Variants in TRIR observed in about 807,000 individuals in gnomAD.
TRIR encodes telomerase RNA component interacting RNase.
In TRIR, 5 loss-of-function variants were observed where a neutral mutation model predicts 18.2. The observed-to-expected ratio is 0.27, with a 90% CI of 0.14 to 0.58. The LOEUF (loss-of-function observed/expected upper bound fraction) is 0.58, where lower values mean the gene tolerates loss of function less well. TRIR is among the 20% of genes least tolerant of loss of function. The pLI is 0.91. For missense variants in TRIR, 206 were observed against 252.8 expected (o/e 0.81, Z 1.25); for synonymous variants, 134 against 114.4 (o/e 1.17, Z -1.10).
At position 12,731,752 on chromosome 19, in the gene TRIR, GC is replaced by G. The variant is rs1204194780; in HGVS notation, c.346-332del. On this transcript the variant is annotated intron_variant, in intron 1 of 2. Transcript: ENST00000242784. This position sits in a 1 kb window ranked among gnomAD's most constrained non-coding sequence, Gnocchi z 5.1. ...TCCCTTTATTGAGCATGTACTGTATGCCAAGCCCTGTGCCAAGTGCTGTGGA... is the reference window on the plus strand; with the variant it reads ...TCCCTTTATTGAGCATGTACTGTATGCAAGCCCTGTGCCAAGTGCTGTGGA... The G allele has an allele frequency of 9.9e-6, 3 of 302,984 alleles. No homozygotes were observed. Among genetic ancestry groups the G allele is most frequent in the African/African-American group, 6.6e-5 (3 of 45,444 alleles). The allele number at this position is 302,984 out of a possible 1,614,324, so 18.8% of individuals were successfully genotyped here. A position where few individuals can be genotyped will look rare whatever the true frequency, so the allele number is the denominator to read the frequency against.
intron 1 of TRIR, among the ~76,000 whole-genome samples, chr19:12,733,489 C>T (rs1041070881): frequency 2.6e-5 from 4 of 152,136 alleles, no homozygotes; most frequent in South Asian, 2.1e-4. Context: ...CGCTGCCCCA[C>T]GCATGGTAGG....
Position 12,734,478 on chromosome 19 carries a change from G to A in TRIR, c.180C>T (p.Ala60=), listed in dbSNP as rs1302900487. The A allele has an allele frequency of 6.5e-7, 1 of 1,535,244 alleles. No individual in the cohort carries two copies. The highest frequency in any genetic ancestry group is 2.6e-5 in the East Asian group (1 of 38,920). ...SPVSGGVNLF[A]NDGSFLELFK... Reference sequence around the variant, plus strand: ...ACAGCTCCAGGAAGCTGCCGTCGTTGGCGAACAAGTTCACGCCGCCCGACA... The same window carrying A: ...ACAGCTCCAGGAAGCTGCCGTCGTTAGCGAACAAGTTCACGCCGCCCGACA... Residue 60 remains alanine, a synonymous_variant, in exon 1 of 3, where the codon GCC becomes GCT. Transcript: ENST00000242784. The surrounding 1 kb of genome is among the most constrained non-coding windows in gnomAD (Gnocchi z 4.1).
chr19:12,731,257 G>C lies in TRIR; in HGVS notation c.423+87C>G. On this transcript the variant is annotated intron_variant, in intron 2 of 2. Transcript: ENST00000242784. The surrounding 1 kb of genome is among the most constrained non-coding windows in gnomAD (Gnocchi z 5.1). ...GCCAGGCACACTCATAAAAGGCCTG[G>C]ATACCAGACAGGGAGGGAGAAGGCT... 3 of 1,511,428 alleles carry C rather than the reference G, an allele frequency of 2.0e-6. No individual in the cohort carries two copies. In the South Asian group the frequency reaches 3.4e-5, roughly 17 times the overall value. The allele number at this position is 1,511,428 out of a possible 1,614,324, so 93.6% of individuals were successfully genotyped here. A position where few individuals can be genotyped will look rare whatever the true frequency, so the allele number is the denominator to read the frequency against.
intron 1 of TRIR, among the ~76,000 whole-genome samples, chr19:12,732,891 G>A (rs1018806826): frequency 6.6e-6 from 1 of 151,812 alleles, no homozygotes; most frequent in African/African-American, 2.4e-5. Flanking sequence ...AGCCTGGCCT[G>A]CTGGGATTAT....
chr19:12,734,295 AC>A lies in TRIR; in HGVS notation c.345+17del. ...AAGACAGGCCGTGGCGCCCGCCCCC[AC>A]CCCCACGGCTCCTTACGAAGCTAAG... On this transcript the variant is annotated intron_variant, in intron 1 of 2. Coordinates refer to ENST00000242784, the MANE Select transcript of TRIR (RefSeq NM_024038.4). This position sits in a 1 kb window ranked among gnomAD's most constrained non-coding sequence, Gnocchi z 4.1. 2 of 1,364,030 alleles carry A rather than the reference AC, an allele frequency of 1.5e-6. No individual in the cohort carries two copies. 84.5% of individuals were successfully genotyped at this position (1,364,030 alleles called of 1,614,324 possible). A position where few individuals can be genotyped will look rare whatever the true frequency, so the allele number is the denominator to read the frequency against.
In TRIR at chr19:12,730,910, G is replaced by C. The variant is rs774769035; in HGVS notation, c.*51C>G. ...GTCGCCGCTGCCGCTGCATTAAATAGTTATGTACATCGCAGAGAGTCCCAG... is the reference window on the plus strand; with the variant it reads ...GTCGCCGCTGCCGCTGCATTAAATACTTATGTACATCGCAGAGAGTCCCAG... On this transcript the variant is annotated 3_prime_UTR_variant, in exon 3 of 3. Coordinates refer to ENST00000242784, the MANE Select transcript of TRIR (RefSeq NM_024038.4). 6.6e-7 allele frequency: 1 copy of C among 1,518,492 alleles called. No individual in the cohort carries two copies. The highest frequency in any genetic ancestry group is 9.1e-7 in the Non-Finnish European group (1 of 1,093,344). The allele number at this position is 1,518,492 out of a possible 1,614,324, so 94.1% of individuals were successfully genotyped here. A position where few individuals can be genotyped will look rare whatever the true frequency, so the allele number is the denominator to read the frequency against.
rs758284079 is a variant in TRIR, at chr19:12,731,045, C to T, written c.447G>A (p.Ala149=). The T allele has an allele frequency of 8.1e-6, 13 of 1,613,886 alleles. No homozygotes were observed. Among genetic ancestry groups the T allele is most frequent in the Admixed American group, 6.7e-5 (4 of 59,982 alleles). ...TCACTTCTGCCATGTACTTGGCCCA[C>T]GCGTCACCTTTACTTGTTAATACCT... ...EDEVLTSKGD[A]WAKYMAEVKK... Residue 149 remains alanine, a synonymous_variant, in exon 3 of 3, where the codon GCG becomes GCA. Transcript: ENST00000242784. The surrounding 1 kb of genome is among the most constrained non-coding windows in gnomAD (Gnocchi z 5.1).
At position 12,731,491 on chromosome 19, in the gene TRIR, C is replaced by T; in HGVS notation, c.346-70G>A. ...CCGCCCTTGGCGGCGCTGAGGCCCA[C>T]TACACCTTCCTAGCCCGGCCTGGTG... On this transcript the variant is annotated intron_variant, in intron 1 of 2. Coordinates refer to ENST00000242784, the MANE Select transcript of TRIR (RefSeq NM_024038.4). The surrounding 1 kb of genome is among the most constrained non-coding windows in gnomAD (Gnocchi z 5.1). 1.3e-6 allele frequency: 2 copies of T among 1,493,912 alleles called. No individual in the cohort carries two copies. Among genetic ancestry groups the T allele is most frequent in the Non-Finnish European group, 1.8e-6 (2 of 1,099,950 alleles). 92.5% of individuals were successfully genotyped at this position (1,493,912 alleles called of 1,614,324 possible).
At chr19:12,733,068 G>A (rs1015794276) in intron 1 of TRIR, among the ~76,000 whole-genome samples, 2 of 152,008 alleles carry the variant, frequency 1.3e-5, no homozygotes, top group Non-Finnish European at 2.9e-5. Context: ...ACCATGCCCA[G>A]CTAATTTTTT....
In TRIR at chr19:12,734,162, G is replaced by A. The variant is rs1439223507; in HGVS notation, c.345+151C>T. 6.1e-6 allele frequency: 5 copies of A among 823,740 alleles called. No homozygotes were observed. The highest frequency in any genetic ancestry group is 8.7e-6 in the Non-Finnish European group (5 of 576,402). 51.0% of individuals were successfully genotyped at this position (823,740 alleles called of 1,614,324 possible). A position where few individuals can be genotyped will look rare whatever the true frequency, so the allele number is the denominator to read the frequency against. ...CCCGCCCCTAGACCCCAGTTGTCGG[G>A]AATCCAAGTTCCACACCCTCAGCGG... On this transcript the variant is annotated intron_variant, in intron 1 of 2. Coordinates refer to ENST00000242784, the MANE Select transcript of TRIR (RefSeq NM_024038.4). The surrounding 1 kb of genome is among the most constrained non-coding windows in gnomAD (Gnocchi z 4.1).
rs1198134055 is a variant in TRIR at position 12,731,329 on chromosome 19, A to C, written c.423+15T>G. The C allele has an allele frequency of 6.2e-7, 1 of 1,612,818 alleles. No homozygotes were observed. Among genetic ancestry groups the C allele is most frequent in the Non-Finnish European group, 8.5e-7 (1 of 1,179,780 alleles). ...AAGGCAATGTGGGTGGACCCCCTGCACCAAGCTGGCTCACCTCATCCTCCG... is the reference window on the plus strand; with the variant it reads ...AAGGCAATGTGGGTGGACCCCCTGCCCCAAGCTGGCTCACCTCATCCTCCG... On this transcript the variant is annotated intron_variant, in intron 2 of 2. Coordinates refer to ENST00000242784, the MANE Select transcript of TRIR (RefSeq NM_024038.4). The surrounding 1 kb of genome is among the most constrained non-coding windows in gnomAD (Gnocchi z 5.1).
At position 12,731,689 on chromosome 19, in the gene TRIR, C is replaced by G; in HGVS notation, c.346-268G>C. ...GTTCTCACTTTCCACGCCAAGGCCT[C>G]ACCCTCCCTAGCAGGGACCACAAGA... On this transcript the variant is annotated intron_variant, in intron 1 of 2. Coordinates refer to ENST00000242784, the MANE Select transcript of TRIR (RefSeq NM_024038.4). The surrounding 1 kb of genome is among the most constrained non-coding windows in gnomAD (Gnocchi z 5.1). 1 of 509,914 alleles carries G rather than the reference C, an allele frequency of 2.0e-6. No homozygotes were observed. The highest frequency in any genetic ancestry group is 3.5e-6 in the Non-Finnish European group (1 of 287,100). The allele number at this position is 509,914 out of a possible 1,614,324, so 31.6% of individuals were successfully genotyped here.
rs1253227946 is a variant in TRIR at position 12,734,305 on chromosome 19, C to G, written c.345+8G>C. On this transcript the variant is annotated splice_region_variant and intron_variant, in intron 1 of 2. Transcript: ENST00000242784. The surrounding 1 kb of genome is among the most constrained non-coding windows in gnomAD (Gnocchi z 4.1). Reference sequence around the variant, plus strand: ...GTGGCGCCCGCCCCCACCCCCACGGCTCCTTACGAAGCTAAGTGTGGAGCC... The same window carrying G: ...GTGGCGCCCGCCCCCACCCCCACGGGTCCTTACGAAGCTAAGTGTGGAGCC... 2.1e-6 allele frequency: 3 copies of G among 1,396,888 alleles called. No homozygotes were observed. The highest frequency in any genetic ancestry group is 2.8e-6 in the Non-Finnish European group (3 of 1,075,982). The allele number at this position is 1,396,888 out of a possible 1,614,324, so 86.5% of individuals were successfully genotyped here.
At position 12,730,649 on chromosome 19, in the gene TRIR, A is replaced by C; in HGVS notation, c.*312T>G. ...AAACCAAGCACACAGCTCCGGCACT[A>C]AGTCAAGTTCTTTACTTCCCAGAAG... On this transcript the variant is annotated 3_prime_UTR_variant, in exon 3 of 3. Coordinates refer to ENST00000242784, the MANE Select transcript of TRIR (RefSeq NM_024038.4). The C allele has an allele frequency of 2.4e-6, 1 of 416,080 alleles. No individual in the cohort carries two copies. The allele number at this position is 416,080 out of a possible 1,614,324, so 25.8% of individuals were successfully genotyped here.
At chr19:12,733,608 G>A (rs1483469745) in intron 1 of TRIR, among the ~76,000 whole-genome samples, 3 of 152,118 alleles carry the variant, frequency 2.0e-5, no homozygotes, top group Non-Finnish European at 4.4e-5. Flanking sequence ...GGGGTGGAGG[G>A]AACTGCCCCA....
In TRIR at chr19:12,731,393, A is replaced by C; in HGVS notation, c.374T>G (p.Leu125Arg). The C allele has an allele frequency of 6.2e-7, 1 of 1,613,758 alleles. No homozygotes were observed. The highest frequency in any genetic ancestry group is 1.3e-5 in the African/African-American group (1 of 75,068). ...GGCTACTATTCCCGTCTTGAGGGCT[A>C]GTTTGTTCCCGCCTCTGCGTTTGCC... ...FVGKRRGGNKLALKTGIVAKK... is the reference protein window; with the variant it reads ...FVGKRRGGNKRALKTGIVAKK... Residue 125 changes from leucine to arginine, a missense_variant, in exon 2 of 3, where the codon CTA (leucine) becomes CGA (arginine). This residue lies in a region of TRIR where 34 missense variants were observed against 87.8 expected (regional missense o/e 0.39). Coordinates refer to ENST00000242784, the MANE Select transcript of TRIR (RefSeq NM_024038.4). This position sits in a 1 kb window ranked among gnomAD's most constrained non-coding sequence, Gnocchi z 5.1.
Position 12,730,863 on chromosome 19 carries a change from T to A in TRIR, c.*98A>T. 1 of 1,149,436 alleles carries A rather than the reference T, an allele frequency of 8.7e-7. No individual in the cohort carries two copies. The highest frequency in any genetic ancestry group is 1.3e-5 in the South Asian group (1 of 79,410). The allele number at this position is 1,149,436 out of a possible 1,614,324, so 71.2% of individuals were successfully genotyped here. On this transcript the variant is annotated 3_prime_UTR_variant, in exon 3 of 3. Transcript: ENST00000242784. The stretch of plus-strand genomic sequence containing the variant: ...GAAGCATCTCGGTTTCCTTCTGCTT[T>A]TAAGTCCTCTCAGGGAAGGCTGTCG...
At chr19:12,732,578 G>A (rs1337834311) in intron 1 of TRIR, among the ~76,000 whole-genome samples, 2 of 151,904 alleles carry the variant, frequency 1.3e-5, no homozygotes, top group Non-Finnish European at 2.9e-5. Context: ...AGTAACCTGT[G>A]CTGCTGGGAC....
rs1336427297 is a variant in TRIR at position 12,730,747 on chromosome 19, G to C, written c.*214C>G. The C allele has an allele frequency of 3.4e-6, 2 of 588,354 alleles. No individual in the cohort carries two copies. The highest frequency in any genetic ancestry group is 3.0e-6 in the Non-Finnish European group (1 of 329,846). The allele number at this position is 588,354 out of a possible 1,614,324, so 36.4% of individuals were successfully genotyped here. A position where few individuals can be genotyped will look rare whatever the true frequency, so the allele number is the denominator to read the frequency against. On this transcript the variant is annotated 3_prime_UTR_variant, in exon 3 of 3. Coordinates refer to ENST00000242784, the MANE Select transcript of TRIR (RefSeq NM_024038.4). ...GCCAGAGAGAATGAGGAGGTGAGAA[G>C]GGGGGGACAGTAAACCACTGTTCTA...
Sources: allele counts gnomAD v4.1 joint callset (sites outside exome capture counted in the v4.1 genomes callset), GRCh38; gene constraint gnomAD v4.1.1; regional missense constraint gnomAD v4.1.1; non-coding constraint Gnocchi (gnomAD v3.1); transcripts MANE v1.5; gene names NCBI Gene and HGNC (gene_info 2026-07-23, HGNC 2026-07-21).